The following GRID2 variants were observed in gnomAD, a reference collection of about 807,000 sequenced individuals.
GRID2 encodes glutamate receptor ionotropic, delta-2.
A neutral mutation model predicts 114.8 loss-of-function variants in GRID2; 33 were observed. That is an observed-to-expected ratio of 0.29 (90% CI 0.22 to 0.38). The LOEUF is 0.38. GRID2 is among the 10% of genes least tolerant of loss of function. GRID2 has a pLI of 1.00. For synonymous variants in GRID2, 505 were observed against 449.9 expected (o/e 1.12, Z -1.55); for missense variants, 1,184 against 1,257.7 (o/e 0.94, Z 0.89).
chr4:92,328,401 A>C (rs1215454583), intron 1 of GRID2, among the ~76,000 whole-genome samples: 3 of 152,076 alleles, frequency 2.0e-5, no homozygotes, highest in African/African-American at 7.2e-5. Context: ...AAACATTCAG[A>C]AGTAATCACA....
intron 1 of GRID2, among the ~76,000 whole-genome samples, chr4:92,477,038 CATGT>C (rs1359578087): frequency 1.6e-3 from 164 of 104,868 alleles, no homozygotes; most frequent in Middle Eastern, 0.013. Flanking sequence ...GATTTAACTT[CATGT>C]GTGTGTGTGT....
rs375610537 is a variant in GRID2 at position 92,809,051 on chromosome 4, T to C, written c.244+218765T>C. On this transcript the variant is annotated intron_variant, in intron 2 of 15. Coordinates refer to ENST00000282020, the MANE Select transcript of GRID2 (RefSeq NM_001510.4). ...TAGTATAATTGCGGAAATAGGTCCA[T>C]GATTTGAGCAAGAAAAGATACTCTG... Among the ~76,000 whole-genome samples, 20 of 152,076 alleles carry C rather than the reference T, an allele frequency of 1.3e-4. 1 individual carries two copies. Among genetic ancestry groups the C allele is most frequent in the African/African-American group, 4.8e-4 (20 of 41,552 alleles).
At chr4:93,137,381 T>G (rs1052660993) in intron 4 of GRID2, among the ~76,000 whole-genome samples, 1 of 152,190 alleles carries the variant, frequency 6.6e-6, no homozygotes, top group Non-Finnish European at 1.5e-5. Flanking sequence ...AATTTGCATT[T>G]TATATTAAGC....
intron 2 of GRID2, among the ~76,000 whole-genome samples, chr4:92,885,418 A>T (rs982048959): frequency 9.2e-5 from 14 of 152,162 alleles, no homozygotes; most frequent in Non-Finnish European, 1.9e-4. Context: ...AATTAAAGCT[A>T]AGCCTCAGAT....
intron 1 of GRID2, among the ~76,000 whole-genome samples, chr4:92,327,606 A>G (rs1431162323): frequency 6.6e-6 from 1 of 152,022 alleles, no homozygotes; most frequent in African/African-American, 2.4e-5. Flanking sequence ...TCCTACATAA[A>G]ACATTTAACC....
At chr4:93,543,014 C>G (rs1380111110) in intron 13 of GRID2, among the ~76,000 whole-genome samples, 8 of 152,128 alleles carry the variant, frequency 5.3e-5, no homozygotes, top group Admixed American at 5.2e-4. Context: ...CTACCTCAAG[C>G]CTTGATATTG....
rs1330633225 is a variant in GRID2, at chr4:92,415,760, A to G, written c.88+111016A>G. Among the ~76,000 whole-genome samples, 19 of 136,362 alleles carry G rather than the reference A, an allele frequency of 1.4e-4. 1 individual carries two copies. The highest frequency in any genetic ancestry group is 7.2e-4 in the South Asian group (3 of 4,148). 89.5% of individuals were successfully genotyped at this position (136,362 alleles called of 152,430 possible). Reference sequence around the variant, plus strand: ...TGTGTGTATATATATATATATATATATATATATATATATATATATATCACA... The same window carrying G: ...TGTGTGTATATATATATATATATATGTATATATATATATATATATATCACA... On this transcript the variant is annotated intron_variant, in intron 1 of 15. Coordinates refer to ENST00000282020, the MANE Select transcript of GRID2 (RefSeq NM_001510.4).
rs563937772 is a variant in GRID2, at chr4:93,154,966, C to T, written c.735+44013C>T. 6.6e-5 allele frequency among the ~76,000 whole-genome samples: 10 copies of T among 151,922 alleles called. No individual in the cohort carries two copies. The East Asian group carries it at 1.8e-3, about 27-fold the overall frequency. On this transcript the variant is annotated intron_variant, in intron 4 of 15. Transcript: ENST00000282020. ...TTTATATTTTTTTGCTCAAAACTCT[C>T]AGTTCAGTATTTTAACATTGTATTG...
intron 10 of GRID2, among the ~76,000 whole-genome samples, chr4:93,452,286 C>A (rs560314288): frequency 6.6e-6 from 1 of 152,196 alleles, no homozygotes; most frequent in South Asian, 2.1e-4. Context: ...ATATCCACTA[C>A]GTTCAACAAT....
At chr4:92,768,607 T>G (rs1213531887) in intron 2 of GRID2, among the ~76,000 whole-genome samples, 1 of 152,132 alleles carries the variant, frequency 6.6e-6, no homozygotes, top group Non-Finnish European at 1.5e-5. Flanking sequence ...ATTTACAAAA[T>G]AAAGAGGTTT....
At chr4:93,180,126 C>A (rs1464257784) in intron 4 of GRID2, among the ~76,000 whole-genome samples, 1 of 151,918 alleles carries the variant, frequency 6.6e-6, no homozygotes, top group African/African-American at 2.4e-5. Flanking sequence ...CTATACTTGC[C>A]CCCACAGTGT....
At chr4:93,264,668 G>T (rs1381706178) in intron 8 of GRID2, among the ~76,000 whole-genome samples, 7 of 143,520 alleles carry the variant, frequency 4.9e-5, no homozygotes, top group African/African-American at 1.8e-4. Flanking sequence ...CTCATTATTG[G>T]TCCTGAGTCC....
At chr4:92,854,523 A>C (rs1744045581) in intron 2 of GRID2, among the ~76,000 whole-genome samples, 1 of 151,310 alleles carries the variant, frequency 6.6e-6, no homozygotes, top group African/African-American at 2.4e-5. Flanking sequence ...TTCTGGAGAG[A>C]AGTTGTGATG....
At chr4:93,235,181 C>T (rs548504077) in intron 7 of GRID2, among the ~76,000 whole-genome samples, 8 of 152,136 alleles carry the variant, frequency 5.3e-5, no homozygotes, top group African/African-American at 1.4e-4. Flanking sequence ...TCTTTGCTCT[C>T]TATATTTGAT....
In GRID2 at chr4:93,030,063, A is replaced by G. The variant is rs79847116; in HGVS notation, c.245-54932A>G. Reference sequence around the variant, plus strand: ...ACAAACTAGAAAGCCATTTAGTACTACATATGTAATACTATTACTATTGAA... The same window carrying G: ...ACAAACTAGAAAGCCATTTAGTACTGCATATGTAATACTATTACTATTGAA... On this transcript the variant is annotated intron_variant, in intron 2 of 15. Transcript: ENST00000282020. 3.3e-3 allele frequency among the ~76,000 whole-genome samples: 499 copies of G among 152,288 alleles called. 7 individuals are homozygous for G. The highest frequency in any genetic ancestry group is 0.012 in the African/African-American group (480 of 41,572).
chr4:92,571,115 T>C (rs1344842251), intron 1 of GRID2, among the ~76,000 whole-genome samples: 1 of 152,054 alleles, frequency 6.6e-6, no homozygotes, highest in Non-Finnish European at 1.5e-5. Flanking sequence ...TTTTGAGGTA[T>C]GTTCCTTCAA....
At chr4:92,519,944 C>T (rs1229324497) in intron 1 of GRID2, among the ~76,000 whole-genome samples, 3 of 151,786 alleles carry the variant, frequency 2.0e-5, no homozygotes, top group Non-Finnish European at 2.9e-5. Context: ...CTCAGTCTAC[C>T]GATTCAAATG....
chr4:93,391,438 T>C (rs114616746), intron 8 of GRID2, among the ~76,000 whole-genome samples: 1,882 of 152,220 alleles, frequency 0.012, 45 homozygotes, highest in African/African-American at 0.043. Context: ...AAACAAAACA[T>C]TGTGGCTGGT....
At chr4:92,396,440 A>T (rs527307224) in intron 1 of GRID2, among the ~76,000 whole-genome samples, 13 of 151,980 alleles carry the variant, frequency 8.6e-5, no homozygotes, top group Non-Finnish European at 1.5e-4. Context: ...TACATGGCCT[A>T]ATGATCTTAT....
Sources: allele counts gnomAD v4.1 joint callset (sites outside exome capture counted in the v4.1 genomes callset), GRCh38; gene constraint gnomAD v4.1.1; transcripts MANE v1.5; gene names NCBI Gene and HGNC (gene_info 2026-07-23, HGNC 2026-07-21).